Variants in CLRN1 observed in about 807,000 individuals in gnomAD.
CLRN1 encodes the protein clarin-1.
In CLRN1, 15 loss-of-function variants were observed where a neutral mutation model predicts 18.7. That is an observed-to-expected ratio of 0.80 (90% confidence interval 0.54 to 1.23). The LOEUF is 1.23. CLRN1 is among the 50% of genes most tolerant of loss of function. The pLI, the probability that CLRN1 is intolerant of heterozygous loss-of-function variation, is 0.00. For synonymous variants in CLRN1, 104 were observed against 102.9 expected, an observed-to-expected ratio of 1.01 and a Z score of -0.07; for missense variants, 311 against 277.5, an observed-to-expected ratio of 1.12 and a Z score of -0.86.
chr3:150,927,590 A>G lies in CLRN1; in HGVS notation c.*346T>C, dbSNP rs1054158542. On this transcript the variant is annotated 3_prime_UTR_variant, in exon 3 of 3. Coordinates refer to ENST00000327047, the MANE Select transcript of CLRN1 (RefSeq NM_174878.3). ...ATATTATTTGTTTTTATTAAAATAT[A>G]TTCCATGTGCCTTTGATATCTTTTT... 4 of 474,384 alleles carry G rather than the reference A, an allele frequency of 8.4e-6. No individual in the cohort carries two copies. The highest frequency in any genetic ancestry group is 5.9e-5 in the African/African-American group (3 of 50,728). The allele number at this position is 474,384 out of a possible 1,614,324, so 29.4% of individuals were successfully genotyped here.
intron 1 of CLRN1, among the ~76,000 whole-genome samples, chr3:150,960,663 C>T (rs528463071): frequency 1.3e-5 from 2 of 152,312 alleles, no homozygotes; most frequent in South Asian, 2.1e-4. Context: ...TCTGTAATGG[C>T]TGGTCTAAAA....
chr3:150,940,823 A>G lies in CLRN1; in HGVS notation c.433+759T>C, dbSNP rs371524897. Among the ~76,000 whole-genome samples the G allele has an allele frequency of 2.0e-5, 3 of 152,272 alleles. No individual in the cohort carries two copies. The East Asian group carries it at 5.8e-4, about 29-fold the overall frequency. On this transcript the variant is annotated intron_variant, in intron 2 of 2. Coordinates refer to ENST00000327047, the MANE Select transcript of CLRN1 (RefSeq NM_174878.3). ...TTTTATATTCTTTTCCATCAGCCCT[A>G]GCTATTGAGTAGCACATGTTTATTG...
chr3:150,930,925 A>G (rs1192902913), intron 2 of CLRN1, among the ~76,000 whole-genome samples: 1 of 152,204 alleles, frequency 6.6e-6, no homozygotes, highest in African/African-American at 2.4e-5. Flanking sequence ...CATAGCTAAT[A>G]TTTCAAGCAC....
At chr3:150,955,973 T>A (rs1210879359) in intron 1 of CLRN1, among the ~76,000 whole-genome samples, 3 of 152,240 alleles carry the variant, frequency 2.0e-5, no homozygotes, top group African/African-American at 7.2e-5. Context: ...CCTATATTAC[T>A]ATTATCCCAA....
At chr3:150,968,078 T>C (rs1411293872) in intron 1 of CLRN1, among the ~76,000 whole-genome samples, 2 of 152,244 alleles carry the variant, frequency 1.3e-5, no homozygotes, top group Non-Finnish European at 2.9e-5. Context: ...TTAAATTTTA[T>C]TTTTCACATT....
intron 1 of CLRN1, among the ~76,000 whole-genome samples, chr3:150,956,893 G>C (rs962346301): frequency 6.6e-6 from 1 of 152,074 alleles, no homozygotes; most frequent in Admixed American, 6.6e-5. Context: ...TTCAGTCTAT[G>C]AACCTGGCTT....
Position 150,968,177 on chromosome 3 carries a change from T to C in CLRN1, c.253+4279A>G, listed in dbSNP as rs143145497. Among the ~76,000 whole-genome samples, 51 of 152,344 alleles carry C rather than the reference T, an allele frequency of 3.3e-4. No homozygotes were observed. In the East Asian group the frequency reaches 8.3e-3, roughly 25 times the overall value. ...GTATATCTAGGAATGATTGATACCA[T>C]ATGATTCTTGGGTATCATATTTTGA... On this transcript the variant is annotated intron_variant, in intron 1 of 2. Transcript: ENST00000327047.
chr3:150,967,218 G>C (rs2107989164), intron 1 of CLRN1, among the ~76,000 whole-genome samples: 1 of 152,270 alleles, frequency 6.6e-6, no homozygotes, highest in East Asian at 1.9e-4. Flanking sequence ...AGATCTCCTT[G>C]CAGGGAAATA....
chr3:150,952,088 T>C (rs1379919121), intron 1 of CLRN1, among the ~76,000 whole-genome samples: 1 of 152,184 alleles, frequency 6.6e-6, no homozygotes, highest in Non-Finnish European at 1.5e-5. Flanking sequence ...GGACTTGCAG[T>C]TGTCCACTAT....
intron 1 of CLRN1, among the ~76,000 whole-genome samples, chr3:150,950,297 CA>C (rs1714413804): frequency 6.6e-6 from 1 of 152,036 alleles, no homozygotes; most frequent in African/African-American, 2.4e-5. Flanking sequence ...GCAACAAAAG[CA>C]AAAATTGACA....
At chr3:150,968,192 T>C (rs896879415) in intron 1 of CLRN1, among the ~76,000 whole-genome samples, 1 of 152,206 alleles carries the variant, frequency 6.6e-6, no homozygotes, top group African/African-American at 2.4e-5. Flanking sequence ...TTCTTGGGTA[T>C]CATATTTTGA....
intron 1 of CLRN1, among the ~76,000 whole-genome samples, chr3:150,942,127 A>G (rs1158248102): frequency 6.6e-6 from 1 of 152,174 alleles, no homozygotes; most frequent in African/African-American, 2.4e-5. Context: ...TTAACTTGCA[A>G]TGATATTTTA....
At chr3:150,936,644 T>C (rs544811502) in intron 2 of CLRN1, among the ~76,000 whole-genome samples, 2 of 152,308 alleles carry the variant, frequency 1.3e-5, no homozygotes, top group Admixed American at 1.3e-4. Flanking sequence ...CTTAGAGAGG[T>C]AAATCAGCTA....
intron 1 of CLRN1, among the ~76,000 whole-genome samples, chr3:150,946,301 G>C (rs957737210): frequency 2.6e-5 from 4 of 152,174 alleles, no homozygotes; most frequent in Non-Finnish European, 5.9e-5. Flanking sequence ...AGGCACAGAG[G>C]CATGTACCAT....
chr3:150,971,871 T>C (rs1039540000), intron 1 of CLRN1, among the ~76,000 whole-genome samples: 2 of 152,238 alleles, frequency 1.3e-5, no homozygotes, highest in African/African-American at 2.4e-5. Flanking sequence ...CAGTTTAAAA[T>C]GTTCTATACT....
chr3:150,926,563 A>G, downstream of CLRN1: 2 of 586,156 alleles, frequency 3.4e-6, no homozygotes, highest in Non-Finnish European at 6.2e-6. Flanking sequence ...TAAGGGGAAA[A>G]ACCAGCATCT....
chr3:150,948,535 T>C (rs1393106721), intron 1 of CLRN1, among the ~76,000 whole-genome samples: 1 of 143,664 alleles, frequency 7.0e-6, no homozygotes, highest in African/African-American at 2.6e-5. Flanking sequence ...ATGTTACCAC[T>C]GATCCCACGG....
In CLRN1 at chr3:150,926,620, A is replaced by C; in HGVS notation, c.*1316T>G. On this transcript the variant is annotated 3_prime_UTR_variant, in exon 3 of 3. Transcript: ENST00000327047. ...GTCTGCTGGCGAATAGCGAATTGAC[A>C]CCAGAGCAAGTTATTTCTCAGGTAT... is the stretch of plus-strand genomic sequence containing the variant. 1.4e-6 allele frequency: 1 copy of C among 734,776 alleles called. No individual in the cohort carries two copies. Among genetic ancestry groups the C allele is most frequent in the Non-Finnish European group, 2.4e-6 (1 of 417,460 alleles). 45.5% of individuals were successfully genotyped at this position (734,776 alleles called of 1,614,324 possible). A position where few individuals can be genotyped will look rare whatever the true frequency, so the allele number is the denominator to read the frequency against.
At position 150,943,769 on chromosome 3, in the gene CLRN1, G is replaced by A. The variant is rs760509073; in HGVS notation, c.254-2008C>T. ...TGCTGTCCACAGATGGCAGAGCTACGAGAGCATTGTAACACACCCTCTGGG... is the reference window on the plus strand; with the variant it reads ...TGCTGTCCACAGATGGCAGAGCTACAAGAGCATTGTAACACACCCTCTGGG... On this transcript the variant is annotated intron_variant, in intron 1 of 2. Coordinates refer to ENST00000327047, the MANE Select transcript of CLRN1 (RefSeq NM_174878.3). 10 of 1,613,046 alleles carry A rather than the reference G, an allele frequency of 6.2e-6. No homozygotes were observed. In the East Asian group the frequency reaches 6.7e-5, roughly 11 times the overall value.
Sources: allele counts gnomAD v4.1 joint callset (sites outside exome capture counted in the v4.1 genomes callset), GRCh38; gene constraint gnomAD v4.1.1; transcripts MANE v1.5; gene names NCBI Gene and HGNC (gene_info 2026-07-23, HGNC 2026-07-21).